The following C1GALT1 variants were observed in gnomAD, a reference collection of about 807,000 sequenced individuals.
The protein encoded by C1GALT1 is glycoprotein-N-acetylgalactosamine 3-beta-galactosyltransferase 1.
Under a neutral mutation model 31.0 loss-of-function variants are expected in C1GALT1, and 11 were observed. The observed-to-expected ratio is 0.36, with a 90% confidence interval of 0.22 to 0.59. The LOEUF is 0.59. C1GALT1 is among the 20% of genes least tolerant of loss of function. C1GALT1 has a pLI of 0.79. For missense variants in C1GALT1, 424 were observed against 425.2 expected (o/e 1.00, Z 0.03); for synonymous variants, 175 against 143.6 (o/e 1.22, Z -1.56).
chr7:7,177,051 A>G (rs1562554457), intron 2 of C1GALT1, among the ~76,000 whole-genome samples: 1 of 152,200 alleles, frequency 6.6e-6, no homozygotes, highest in East Asian at 1.9e-4. Flanking sequence ...ATCATCCACA[A>G]CAACAAACAG....
chr7:7,158,298 C>T (rs1383389674), intron 2 of C1GALT1, among the ~76,000 whole-genome samples: 1 of 152,102 alleles, frequency 6.6e-6, no homozygotes, highest in Non-Finnish European at 1.5e-5. Context: ...TGACTCTGTT[C>T]TGTCTAATTC....
chr7:7,217,722 G>A (rs1782309292), intron 1 of C1GALT1, among the ~76,000 whole-genome samples: 1 of 152,146 alleles, frequency 6.6e-6, no homozygotes, highest in African/African-American at 2.4e-5. Flanking sequence ...TGCCCAGGCT[G>A]GAGTACAGTG....
chr7:7,181,694 CTT>C (rs1263254531), upstream of C1GALT1, among the ~76,000 whole-genome samples: 3 of 152,160 alleles, frequency 2.0e-5, no homozygotes, highest in African/African-American at 7.2e-5. Context: ...AGCCCATACT[CTT>C]TAACAACCAT....
At chr7:7,202,250 G>C (rs551452408) in intron 1 of C1GALT1, among the ~76,000 whole-genome samples, 2 of 152,114 alleles carry the variant, frequency 1.3e-5, no homozygotes, top group African/African-American at 4.8e-5. Flanking sequence ...GGATTCTCTC[G>C]GCTTTCCTGG....
At chr7:7,209,972 G>A (rs570563525) in intron 1 of C1GALT1, among the ~76,000 whole-genome samples, 12 of 152,218 alleles carry the variant, frequency 7.9e-5, no homozygotes, top group Admixed American at 1.3e-4. Context: ...GCTCAGTGGG[G>A]GAGCTTTTGA....
In C1GALT1 at chr7:7,237,940, G is replaced by T. The variant is rs189187117; in HGVS notation, c.221-315G>T. Among the ~76,000 whole-genome samples the T allele has an allele frequency of 1.1e-4, 16 of 152,278 alleles. No homozygotes were observed. The East Asian group carries it at 3.1e-3, about 29-fold the overall frequency. On this transcript the variant is annotated intron_variant, in intron 2 of 3. Coordinates refer to ENST00000436587, the MANE Select transcript of C1GALT1 (RefSeq NM_020156.5). ...GCTGATTCTGAGTCAGTAGGTCTGG[G>T]CCTAAGATTATGCATTTCTAACAGG...
intron 1 of C1GALT1, among the ~76,000 whole-genome samples, chr7:7,219,760 T>C (rs965890065): frequency 5.9e-5 from 9 of 152,194 alleles, no homozygotes; most frequent in Non-Finnish European, 1.3e-4. Flanking sequence ...TATTTTCTTC[T>C]AGTCTTTTTT....
At chr7:7,227,635 G>GC (rs1232607907) in intron 1 of C1GALT1, among the ~76,000 whole-genome samples, 1 of 151,186 alleles carries the variant, frequency 6.6e-6, no homozygotes, top group Non-Finnish European at 1.5e-5. Context: ...CAGGAGAATG[G>GC]CGTGAACCCG....
chr7:7,201,718 A>C (rs927419427), intron 1 of C1GALT1, among the ~76,000 whole-genome samples: 1 of 152,198 alleles, frequency 6.6e-6, no homozygotes, highest in Non-Finnish European at 1.5e-5. Flanking sequence ...GCTGCTGAGC[A>C]GTATTGAGAA....
intron 2 of C1GALT1, among the ~76,000 whole-genome samples, chr7:7,159,479 C>T (rs192491248): frequency 6.6e-6 from 1 of 151,904 alleles, no homozygotes; most frequent in African/African-American, 2.4e-5. Flanking sequence ...AAATGCAAAG[C>T]GGAAGAGAAA....
At chr7:7,174,914 C>A (rs1017324237) in intron 2 of C1GALT1, among the ~76,000 whole-genome samples, 1 of 152,024 alleles carries the variant, frequency 6.6e-6, no homozygotes, top group African/African-American at 2.4e-5. Flanking sequence ...ATATTTAAGA[C>A]AATTGTTTTA....
intron 2 of C1GALT1, chr7:7,235,014 G>T (rs978835096): frequency 6.6e-6 from 1 of 152,640 alleles, no homozygotes; most frequent in African/African-American, 2.4e-5. Context: ...CCAAGGATGC[G>T]TTCTAAAGAC....
chr7:7,158,071 C>T (rs760380761), intron 2 of C1GALT1, among the ~76,000 whole-genome samples: 6 of 152,164 alleles, frequency 3.9e-5, no homozygotes, highest in Non-Finnish European at 8.8e-5. Context: ...TGTATTCAAG[C>T]CTGTTACCCT....
chr7:7,181,445 T>A (rs1201762398), upstream of C1GALT1, among the ~76,000 whole-genome samples: 1 of 152,230 alleles, frequency 6.6e-6, no homozygotes, highest in South Asian at 2.1e-4. Flanking sequence ...TTTCTGGCCT[T>A]AGTTTTGTCA....
intron 1 of C1GALT1, among the ~76,000 whole-genome samples, chr7:7,191,404 C>T (rs1230863911): frequency 1.3e-5 from 2 of 152,128 alleles, no homozygotes; most frequent in Non-Finnish European, 2.9e-5. Context: ...ACGTGGTTTG[C>T]TTCACATTTT....
intron 2 of C1GALT1, among the ~76,000 whole-genome samples, chr7:7,168,502 G>T (rs1326028496): frequency 6.6e-6 from 1 of 152,204 alleles, no homozygotes; most frequent in Non-Finnish European, 1.5e-5. Context: ...TCAGGCCCCA[G>T]CTGAGACAAC....
At chr7:7,190,310 A>C (rs1291261287) in intron 1 of C1GALT1, among the ~76,000 whole-genome samples, 1 of 151,930 alleles carries the variant, frequency 6.6e-6, no homozygotes, top group African/African-American at 2.4e-5. Flanking sequence ...GATTCCCTGG[A>C]GACTACAAAA....
rs776366321 is a variant in C1GALT1 at position 7,243,637 on chromosome 7, A to G, written c.1002A>G (p.Arg334=). Residue 334 remains arginine (R), a synonymous_variant, in exon 4 of 4, where the codon AGA becomes AGG. Transcript: ENST00000436587. ...TTCGTCCATATGGTTATTTATACAG[A>G]TATCAACCTACCTTACCTGAACGTA... ...YHLRPYGYLY[R]YQPTLPERIL... The G allele has an allele frequency of 6.2e-7, 1 of 1,612,564 alleles. No homozygotes were observed. Among genetic ancestry groups the G allele is most frequent in the Non-Finnish European group, 8.5e-7 (1 of 1,179,356 alleles).
In C1GALT1 at chr7:7,172,896, G is replaced by A. The variant is rs188317107; in HGVS notation, c.-18+15470G>A. Among the ~76,000 whole-genome samples the A allele has an allele frequency of 2.0e-5, 3 of 152,204 alleles. No homozygotes were observed. The East Asian group carries it at 5.8e-4, about 29-fold the overall frequency. ...AGTTTTGACCAATGTATAATGAAATGTATCTACCATTATAGTATCATAAAG... is the reference window on the plus strand; with the variant it reads ...AGTTTTGACCAATGTATAATGAAATATATCTACCATTATAGTATCATAAAG... On this transcript the variant is annotated intron_variant, in intron 2 of 3. Transcript: ENST00000429911.
Sources: allele counts gnomAD v4.1 joint callset (sites outside exome capture counted in the v4.1 genomes callset), GRCh38; gene constraint gnomAD v4.1.1; transcripts MANE v1.5; gene names NCBI Gene and HGNC (gene_info 2026-07-23, HGNC 2026-07-21).